The following PPEF2 variants were observed in gnomAD, a reference collection of about 807,000 sequenced individuals.
PPEF2 encodes the protein protein phosphatase with EF-hand domain 2.
Under a neutral mutation model 84.7 loss-of-function variants are expected in PPEF2, and 84 were observed. The observed-to-expected ratio is 0.99, with a 90% CI of 0.83 to 1.19. The LOEUF (loss-of-function observed/expected upper bound fraction) is 1.19, where lower values mean the gene tolerates loss of function less well. Among genes scored for constraint, PPEF2 ranks in the 50% most tolerant of loss-of-function variants. The pLI is 0.00. For missense variants in PPEF2, 924 were observed against 937.5 expected, an observed-to-expected ratio of 0.99 and a Z score of 0.19; for synonymous variants, 346 against 345.2, an observed-to-expected ratio of 1.00 and a Z score of -0.03.
At chr4:75,861,897 CCG>C (rs1724013370) in intron 16 of PPEF2, among the ~76,000 whole-genome samples, 1 of 150,290 alleles carries the variant, frequency 6.7e-6, no homozygotes, top group South Asian at 2.2e-4. Context: ...GCGTGAGCCA[CCG>C]TGACTAGCCT....
chr4:75,896,668 T>G (rs1362090738), intron 1 of PPEF2, among the ~76,000 whole-genome samples: 1 of 152,122 alleles, frequency 6.6e-6, no homozygotes, highest in Non-Finnish European at 1.5e-5. Flanking sequence ...ACCTCCTATA[T>G]TCCTCTAACT....
At chr4:75,897,030 T>C (rs935262185) in intron 1 of PPEF2, among the ~76,000 whole-genome samples, 1 of 152,134 alleles carries the variant, frequency 6.6e-6, no homozygotes, top group Non-Finnish European at 1.5e-5. Context: ...TGTTTTTGCA[T>C]TTTTAGTAGA....
At chr4:75,892,111 A>G (rs1164825465) in intron 2 of PPEF2, 133 bp from the exon 3 acceptor site, 3 of 1,149,160 alleles carry the variant, frequency 2.6e-6, no homozygotes, top group Admixed American at 4.6e-5. Context: ...AGCACTACCC[A>G]TTGACGCCCA....
In PPEF2 at chr4:75,859,980, G is replaced by A. The variant is rs1437999495; in HGVS notation, c.*687C>T. ...ATAATGAAGAAAATCCATATGCTTG[G>A]GTCATGGAATTACAATACAATTTTT... is the stretch of plus-strand genomic sequence containing the variant. On this transcript the variant is annotated 3_prime_UTR_variant, in exon 17 of 17. Transcript: ENST00000286719. 5.9e-5 allele frequency: 9 copies of A among 151,986 alleles called. No homozygotes were observed. Among genetic ancestry groups the A allele is most frequent in the Admixed American group, 5.9e-4 (9 of 15,248 alleles). The allele number at this position is 151,986 out of a possible 1,614,324, so 9.4% of individuals were successfully genotyped here.
chr4:75,873,723 A>G lies in PPEF2; in HGVS notation c.1321-411T>C, dbSNP rs559246602. The stretch of plus-strand genomic sequence containing the variant: ...TGGGACTGGCAAGAGAGTCTCTTGC[A>G]TATTCACAAGACCCCAGACGTGGTC... On this transcript the variant is annotated intron_variant, in intron 11 of 16. Coordinates refer to ENST00000286719, the MANE Select transcript of PPEF2 (RefSeq NM_006239.3). Among the ~76,000 whole-genome samples, 8 of 152,326 alleles carry G rather than the reference A, an allele frequency of 5.3e-5. No individual in the cohort carries two copies. The East Asian group carries it at 7.7e-4, about 15-fold the overall frequency.
intron 11 of PPEF2, among the ~76,000 whole-genome samples, chr4:75,875,220 T>C (rs1259935772): frequency 7.9e-5 from 12 of 152,178 alleles, no homozygotes; most frequent in African/African-American, 1.9e-4. Context: ...CATTTCTTTA[T>C]TGGGTGAACT....
intron 2 of PPEF2, among the ~76,000 whole-genome samples, chr4:75,894,776 T>C (rs2149229497): frequency 6.6e-6 from 1 of 152,292 alleles, no homozygotes; most frequent in South Asian, 2.1e-4. Context: ...TACCGGCCCC[T>C]GTGGTAGCAG....
At chr4:75,884,186 T>C (rs1015636375) in intron 8 of PPEF2, among the ~76,000 whole-genome samples, 17 of 151,936 alleles carry the variant, frequency 1.1e-4, no homozygotes, top group African/African-American at 3.9e-4. Flanking sequence ...TCCCAGCACT[T>C]TGGGAGGCCA....
chr4:75,888,177 T>C, intron 6 of PPEF2, 37 bp downstream of exon 6: 1 of 1,454,068 alleles, frequency 6.9e-7, no homozygotes, highest in Non-Finnish European at 9.7e-7. Flanking sequence ...TTCTTCTTTG[T>C]GTGCAGCATG....
chr4:75,883,385 A>G, intron 8 of PPEF2, 183 bp from the exon 9 acceptor site: 1 of 596,582 alleles, frequency 1.7e-6, no homozygotes, highest in Non-Finnish European at 2.9e-6. Flanking sequence ...AAATTATGGG[A>G]TATTTTAATT....
chr4:75,892,040 G>A (rs530813307), intron 2 of PPEF2, 62 bp from the exon 3 acceptor site: 7 of 1,589,336 alleles, frequency 4.4e-6, no homozygotes, highest in East Asian at 2.3e-5. Context: ...GGGTTTGGGG[G>A]TAGGGAGAGG....
chr4:75,888,275 C>G lies in PPEF2; in HGVS notation c.471G>C (p.Leu157=). 1.2e-6 allele frequency: 2 copies of G among 1,614,060 alleles called. No homozygotes were observed. Among genetic ancestry groups the G allele is most frequent in the Non-Finnish European group, 1.7e-6 (2 of 1,179,974 alleles). ...LNLLYETKKH[L]VQLPNINRVS... ...CCCGGTTGATGTTTGGCAGCTGTAC[C>G]AGATGTTTCTTGGTTTCATACAAAA... is the stretch of plus-strand genomic sequence containing the variant. The change falls in exon 6 of 17, where the codon CTG becomes CTC. Residue 157 remains leucine (L), a synonymous_variant. Transcript: ENST00000286719.
chr4:75,884,601 T>G lies in PPEF2; in HGVS notation c.739A>C (p.Asn247His). ...NRGNHEDHMVNLRYGFTKEVM... is the reference protein window; with the variant it reads ...NRGNHEDHMVHLRYGFTKEVM... ...GCATGTTTTGACTTGTACCGTAAGT[T>G]CACCATATGGTCCTCATGGTTTCCT... is the stretch of plus-strand genomic sequence containing the variant. The change falls in exon 8 of 17, where the codon AAC (asparagine) becomes CAC (histidine). Residue 247 changes from asparagine to histidine, a missense_variant. Asn to His is a moderately conservative substitution (Grantham distance 68). Transcript: ENST00000286719. The G allele has an allele frequency of 6.3e-7, 1 of 1,595,506 alleles. No homozygotes were observed. Among genetic ancestry groups the G allele is most frequent in the Non-Finnish European group, 8.5e-7 (1 of 1,175,144 alleles).
chr4:75,883,951 GA>G (rs1462304315), intron 8 of PPEF2, among the ~76,000 whole-genome samples: 1 of 151,356 alleles, frequency 6.6e-6, no homozygotes, highest in Non-Finnish European at 1.5e-5. Context: ...CCAACATGGT[GA>G]AACCCGTCTC....
intron 14 of PPEF2, 122 bp downstream of exon 14, chr4:75,867,191 T>G: frequency 4.7e-6 from 3 of 631,658 alleles, no homozygotes; most frequent in Non-Finnish European, 8.1e-6. Flanking sequence ...ATGGAGGATA[T>G]AGCCAAAGGG....
At chr4:75,901,203 A>G (rs927936707) in intron 1 of PPEF2, among the ~76,000 whole-genome samples, 2 of 152,212 alleles carry the variant, frequency 1.3e-5, no homozygotes, top group Admixed American at 1.3e-4. Flanking sequence ...ACGGACAAGC[A>G]GAGAACATTC....
In PPEF2 at chr4:75,870,965, G is replaced by T. The variant is rs554931861; in HGVS notation, c.1649+1060C>A. Among the ~76,000 whole-genome samples the T allele has an allele frequency of 6.5e-5, 9 of 138,424 alleles. No homozygotes were observed. The South Asian group carries it at 2.1e-3, about 32-fold the overall frequency. The allele number at this position is 138,424 out of a possible 152,430, so 90.8% of individuals were successfully genotyped here. A position where few individuals can be genotyped will look rare whatever the true frequency, so the allele number is the denominator to read the frequency against. ...GGAGGCTTGCTCTGTCGCCCAGGCT[G>T]GAGTGCAGTGGTGCGATCTCGGGTC... is the stretch of plus-strand genomic sequence containing the variant. On this transcript the variant is annotated intron_variant, in intron 13 of 16. Coordinates refer to ENST00000286719, the MANE Select transcript of PPEF2 (RefSeq NM_006239.3).
chr4:75,878,842 G>C (rs556309611), intron 10 of PPEF2, among the ~76,000 whole-genome samples: 1 of 152,168 alleles, frequency 6.6e-6, no homozygotes, highest in South Asian at 2.1e-4. Context: ...GCAGTGGTGC[G>C]ATCTCAGCTC....
At chr4:75,890,373 C>T (rs1315801712) in intron 4 of PPEF2, among the ~76,000 whole-genome samples, 1 of 151,674 alleles carries the variant, frequency 6.6e-6, no homozygotes, top group Non-Finnish European at 1.5e-5. Context: ...CCTGTAGTTC[C>T]AGCTACTCAA....
Sources: gnomAD v4.1 joint callset for allele counts (sites outside exome capture counted in the v4.1 genomes callset) on GRCh38, gnomAD v4.1.1 for gene constraint, MANE v1.5 for transcripts, NCBI Gene and HGNC (gene_info 2026-07-23, HGNC 2026-07-21) for gene names.